The following TDG variants were observed in gnomAD, a reference collection of about 807,000 sequenced individuals.
The protein encoded by TDG is G/T mismatch-specific thymine DNA glycosylase.
Under a neutral mutation model 46.1 loss-of-function variants are expected in TDG, and 23 were observed. That is an observed-to-expected ratio of 0.50 (90% CI 0.36 to 0.71). TDG has a LOEUF of 0.71. Ranked by LOEUF, TDG falls within the 30% of genes least tolerant of loss-of-function variation. The pLI is 0.00. For missense variants in TDG, 304 were observed against 486.7 expected (o/e 0.62, Z 3.53); for synonymous variants, 115 against 161.3 (o/e 0.71, Z 2.18).
intron 4 of TDG, among the ~76,000 whole-genome samples, chr12:103,982,449 A>G (rs1415299061): frequency 5.3e-5 from 8 of 152,192 alleles, no homozygotes; most frequent in Admixed American, 5.2e-4. Flanking sequence ...AAAAGGAGAT[A>G]ATAATAGTAT....
At chr12:103,972,981 C>G (rs1021098295) in intron 1 of TDG, 1 of 699,822 alleles carries the variant, frequency 1.4e-6, no homozygotes, top group Non-Finnish European at 2.6e-6. Flanking sequence ...ATGAAGTGCT[C>G]AAAATGGGAC....
At chr12:103,974,704 C>A (rs535840309) in intron 1 of TDG, among the ~76,000 whole-genome samples, 1 of 152,234 alleles carries the variant, frequency 6.6e-6, no homozygotes, top group South Asian at 2.1e-4. Flanking sequence ...GGCGCGGTGG[C>A]TCATGCCTAT....
intron 1 of TDG, 54 bp downstream of exon 1, chr12:103,966,114 C>G (rs1002319695): frequency 2.6e-5 from 38 of 1,453,776 alleles, no homozygotes; most frequent in African/African-American, 7.4e-5. Flanking sequence ...GCTGGGCAGG[C>G]TGGCTGGCGC....
chr12:103,981,455 G>A (rs917619042), intron 4 of TDG, among the ~76,000 whole-genome samples: 15 of 151,774 alleles, frequency 9.9e-5, no homozygotes, highest in African/African-American at 3.6e-4. Flanking sequence ...GGCTGGTCTC[G>A]AACTCCCGGC....
chr12:103,966,281 C>G (rs1021138990), intron 1 of TDG, among the ~76,000 whole-genome samples: 1 of 152,166 alleles, frequency 6.6e-6, no homozygotes, highest in African/African-American at 2.4e-5. Flanking sequence ...CACCTGGACC[C>G]TTCTTTGGTT....
At position 103,987,527 on chromosome 12, in the gene TDG, A is replaced by G. The variant is rs1872232703; in HGVS notation, c.*437A>G. ...GCAAAGGTGTTGATTTTTGTATATG[A>G]AGTTAAGCCTCAGTGGAGTCTCATT... is the stretch of plus-strand genomic sequence containing the variant. On this transcript the variant is annotated 3_prime_UTR_variant, in exon 10 of 10. Coordinates refer to ENST00000392872, the MANE Select transcript of TDG (RefSeq NM_003211.6). 6.4e-6 allele frequency: 1 copy of G among 156,882 alleles called. No individual in the cohort carries two copies. The highest frequency in any genetic ancestry group is 6.1e-5 in the Admixed American group (1 of 16,286). 9.7% of individuals were successfully genotyped at this position (156,882 alleles called of 1,614,324 possible).
intron 1 of TDG, among the ~76,000 whole-genome samples, chr12:103,966,650 G>A (rs952861562): frequency 1.4e-4 from 12 of 86,004 alleles, no homozygotes; most frequent in African/African-American, 5.3e-4. Flanking sequence ...TTTTTAAAAA[G>A]TCCTTTGGGG....
At chr12:103,986,837 A>C in intron 9 of TDG, 111 bp from the exon 10 acceptor site, 1 of 1,191,924 alleles carries the variant, frequency 8.4e-7, no homozygotes, top group Non-Finnish European at 1.2e-6. Context: ...AAGAGCTGTG[A>C]TCATGCCACT....
At chr12:103,977,857 A>G (rs1871615331) in intron 2 of TDG, among the ~76,000 whole-genome samples, 1 of 152,088 alleles carries the variant, frequency 6.6e-6, no homozygotes, top group Non-Finnish European at 1.5e-5. Flanking sequence ...TGAGGTCAGG[A>G]GTTCATGACC....
In TDG at chr12:103,984,616, T is replaced by C. The variant is rs1247691594; in HGVS notation, c.793-133T>C. ...TCAACCTTAAAAGCAACTACTTTTA[T>C]TGATTTTTACATATATTTATATGTA... is the stretch of plus-strand genomic sequence containing the variant. On this transcript the variant is annotated intron_variant, in intron 7 of 9. Coordinates refer to ENST00000392872, the MANE Select transcript of TDG (RefSeq NM_003211.6). The C allele has an allele frequency of 4.6e-6, 3 of 647,610 alleles. No homozygotes were observed. The African/African-American group carries it at 5.7e-5, about 12-fold the overall frequency. 40.1% of individuals were successfully genotyped at this position (647,610 alleles called of 1,614,324 possible). A position where few individuals can be genotyped will look rare whatever the true frequency, so the allele number is the denominator to read the frequency against.
chr12:103,982,006 C>T (rs1227378566), intron 4 of TDG, among the ~76,000 whole-genome samples: 1 of 152,020 alleles, frequency 6.6e-6, no homozygotes, highest in Non-Finnish European at 1.5e-5. Context: ...AGAACTAGAC[C>T]CTGTATCACA....
chr12:103,968,684 AT>A (rs1871167056), intron 1 of TDG, among the ~76,000 whole-genome samples: 3 of 152,350 alleles, frequency 2.0e-5, no homozygotes, highest in South Asian at 4.1e-4. Flanking sequence ...GAGAGGCCAG[AT>A]TAAAGCAGTG....
chr12:103,976,119 A>G (rs1871524262), intron 1 of TDG, among the ~76,000 whole-genome samples: 1 of 151,878 alleles, frequency 6.6e-6, no homozygotes, highest in South Asian at 2.1e-4. Flanking sequence ...AAAATCAAAT[A>G]TAGGCCTGGG....
At chr12:103,981,488 GC>G (rs1309286080) in intron 4 of TDG, among the ~76,000 whole-genome samples, 1 of 152,090 alleles carries the variant, frequency 6.6e-6, no homozygotes, top group South Asian at 2.1e-4. Flanking sequence ...GCCCACCTCA[GC>G]CTCCCAAAGT....
At chr12:103,974,408 C>T (rs1001474366) in intron 1 of TDG, among the ~76,000 whole-genome samples, 7 of 152,084 alleles carry the variant, frequency 4.6e-5, no homozygotes, top group African/African-American at 1.7e-4. Flanking sequence ...TCCTGAGCAG[C>T]TGGGGCTGTC....
chr12:103,985,952 C>G (rs1446779414), intron 9 of TDG, among the ~76,000 whole-genome samples: 1 of 152,190 alleles, frequency 6.6e-6, no homozygotes, highest in Non-Finnish European at 1.5e-5. Flanking sequence ...CAGATTCTCG[C>G]TGTGTCACCC....
In TDG at chr12:103,978,380, G is replaced by A. The variant is rs530636971; in HGVS notation, c.166+1320G>A. ...TAGAAGAAAATAATAGGTTCCAGGG[G>A]TGGGAGAGTGGTTGGAGAGAAGTTA... On this transcript the variant is annotated intron_variant, in intron 2 of 9. Transcript: ENST00000392872. Among the ~76,000 whole-genome samples, 3 of 152,290 alleles carry A rather than the reference G, an allele frequency of 2.0e-5. No homozygotes were observed. In the South Asian group the frequency reaches 6.2e-4, roughly 32 times the overall value.
chr12:103,979,708 C>A, intron 2 of TDG, 123 bp from the exon 3 acceptor site: 9 of 1,238,056 alleles, frequency 7.3e-6, no homozygotes, highest in Middle Eastern at 2.1e-4. Context: ...CATGTTGGGA[C>A]TGTAAGAGCT....
chr12:103,965,908 C>A lies in TDG; in HGVS notation c.-130C>A. 3 of 1,405,340 alleles carry A rather than the reference C, an allele frequency of 2.1e-6. No homozygotes were observed. The highest frequency in any genetic ancestry group is 2.9e-6 in the Non-Finnish European group (3 of 1,040,338). The allele number at this position is 1,405,340 out of a possible 1,614,324, so 87.1% of individuals were successfully genotyped here. A position where few individuals can be genotyped will look rare whatever the true frequency, so the allele number is the denominator to read the frequency against. ...GGAGGAGCTTGAGTCCAGCCACTGT[C>A]TGGGTACTGCCAGCCATCGGGCCCA... On this transcript the variant is annotated 5_prime_UTR_variant, in exon 1 of 10. The change creates a new upstream start codon in the 5' untranslated region. Transcript: ENST00000392872.
Sources: allele counts gnomAD v4.1 joint callset (sites outside exome capture counted in the v4.1 genomes callset), GRCh38; gene constraint gnomAD v4.1.1; transcripts MANE v1.5; gene names NCBI Gene and HGNC (gene_info 2026-07-23, HGNC 2026-07-21).